The following PDE5A variants were observed in gnomAD, a reference collection of about 807,000 sequenced individuals.
PDE5A encodes the protein phosphodiesterase 5A.
Under a neutral mutation model 110.2 loss-of-function variants are expected in PDE5A, and 67 were observed. The ratio of observed to expected loss-of-function variants is 0.61; its 90% CI spans 0.50 to 0.75. The LOEUF is 0.75. Ranked by LOEUF, PDE5A falls within the 30% of genes least tolerant of loss-of-function variation. PDE5A has a pLI of 0.00. For synonymous variants in PDE5A, 328 were observed against 351.2 expected (o/e 0.93, Z 0.74); for missense variants, 862 against 1,045.1 (o/e 0.82, Z 2.42).
At chr4:119,515,579 A>G (rs1725881619) in intron 14 of PDE5A, among the ~76,000 whole-genome samples, 1 of 151,578 alleles carries the variant, frequency 6.6e-6, no homozygotes, top group Non-Finnish European at 1.5e-5. Context: ...CATTCTTGCC[A>G]ACCCTCTCTC....
At chr4:119,607,435 TACTTAAG>T (rs1452111395) in intron 1 of PDE5A, 138 bp from the exon 2 acceptor site, 1 of 643,810 alleles carries the variant, frequency 1.6e-6, no homozygotes, top group African/African-American at 1.8e-5. Flanking sequence ...CAAGATGGTT[TACTTAAG>T]ACATATGATT....
chr4:119,624,723 G>A (rs193113940), intron 1 of PDE5A, among the ~76,000 whole-genome samples: 55 of 152,206 alleles, frequency 3.6e-4, no homozygotes, highest in Non-Finnish European at 6.8e-4. Context: ...TTAATGAAAG[G>A]TAACTTTATT....
At chr4:119,593,310 C>T (rs1034452601) in intron 3 of PDE5A, among the ~76,000 whole-genome samples, 10 of 152,118 alleles carry the variant, frequency 6.6e-5, no homozygotes, top group African/African-American at 2.4e-4. Context: ...GTAATAGACA[C>T]AAACTGGAAA....
chr4:119,504,506 A>G (rs1725489019), intron 18 of PDE5A, 30 bp downstream of exon 18: 2 of 1,561,082 alleles, frequency 1.3e-6, no homozygotes, highest in Non-Finnish European at 8.8e-7. Flanking sequence ...TTGACTTTTT[A>G]ATTATTGTTA....
In PDE5A at chr4:119,501,207, A is replaced by G. The variant is rs1725314976; in HGVS notation, c.2453T>C (p.Val818Ala). 3.1e-6 allele frequency: 5 copies of G among 1,612,442 alleles called. No individual in the cohort carries two copies. The highest frequency in any genetic ancestry group is 4.2e-6 in the Non-Finnish European group (5 of 1,178,600). Residue 818 changes from valine (V) to alanine (A), a missense_variant, in exon 20 of 21, where the codon GTT becomes GCT. Val to Ala is a moderately conservative substitution (Grantham distance 64, BLOSUM62 0). Transcript: ENST00000354960. ...CAAGCAGATGGCATCTATGAACCCAACTTGCATACTTGGGATTTTGTTTTT... is the reference window on the plus strand; with the variant it reads ...CAAGCAGATGGCATCTATGAACCCAGCTTGCATACTTGGGATTTTGTTTTT... ...EKKNKIPSMQ[V>A]GFIDAICLQL... is the part of the protein sequence containing the mutation.
chr4:119,564,442 T>G (rs919163954), intron 5 of PDE5A, among the ~76,000 whole-genome samples: 1 of 152,128 alleles, frequency 6.6e-6, no homozygotes, highest in African/African-American at 2.4e-5. Flanking sequence ...ATCCAAAAGA[T>G]AGTGGAATCT....
intron 1 of PDE5A, among the ~76,000 whole-genome samples, chr4:119,618,504 T>G (rs1233436647): frequency 6.6e-6 from 1 of 152,096 alleles, no homozygotes; most frequent in Non-Finnish European, 1.5e-5. Context: ...CAGACTAATA[T>G]CTACACTTAC....
At chr4:119,597,911 CACT>C (rs1232624247) in intron 2 of PDE5A, among the ~76,000 whole-genome samples, 4 of 151,870 alleles carry the variant, frequency 2.6e-5, no homozygotes, top group African/African-American at 4.8e-5. Flanking sequence ...ATATTATAAA[CACT>C]ACTACATTTT....
chr4:119,525,520 T>C lies in PDE5A; in HGVS notation c.1779+29A>G. 1 of 1,607,644 alleles carries C rather than the reference T, an allele frequency of 6.2e-7. No homozygotes were observed. The highest frequency in any genetic ancestry group is 1.1e-5 in the South Asian group (1 of 90,480). ...CATACACACACACATACACATAGACTTTTCCAAAGGATGTTGCTGCATTCC... is the reference window on the plus strand; with the variant it reads ...CATACACACACACATACACATAGACCTTTCCAAAGGATGTTGCTGCATTCC... On this transcript the variant is annotated intron_variant, in intron 12 of 20. Coordinates refer to ENST00000354960, the MANE Select transcript of PDE5A (RefSeq NM_001083.4). This position sits in a 1 kb window ranked among gnomAD's most constrained non-coding sequence, Gnocchi z 4.3.
intron 2 of PDE5A, among the ~76,000 whole-genome samples, 175 bp from the exon 3 acceptor site, chr4:119,596,787 T>A (rs1346017008): frequency 6.6e-6 from 1 of 152,118 alleles, no homozygotes; most frequent in Non-Finnish European, 1.5e-5. Flanking sequence ...TTGACAAAGA[T>A]AAATTGAAGT....
intron 1 of PDE5A, among the ~76,000 whole-genome samples, chr4:119,621,647 TA>T (rs1730146679): frequency 6.6e-6 from 1 of 151,670 alleles, no homozygotes; most frequent in South Asian, 2.1e-4. Context: ...CATAGATAGA[TA>T]GACAGACAGA....
rs55997249 is a variant in PDE5A at position 119,592,456 on chromosome 4, TAAAAAAAAAAA to T, written c.831+4056_831+4066del. Reference sequence around the variant, plus strand: ...CTGGGTGACAGAGCGAGACTCTGTTTAAAAAAAAAAAAAAAAAAAAAAAAAAAAAAAGCTGT... The same window carrying T: ...CTGGGTGACAGAGCGAGACTCTGTTTAAAAAAAAAAAAAAAAAAAAGCTGT... On this transcript the variant is annotated intron_variant, in intron 3 of 20. Coordinates refer to ENST00000354960, the MANE Select transcript of PDE5A (RefSeq NM_001083.4). Among the ~76,000 whole-genome samples the T allele has an allele frequency of 1.8e-3, 120 of 66,188 alleles. 3 individuals carry two copies. The highest frequency in any genetic ancestry group is 8.8e-3 in the East Asian group (16 of 1,826). The allele number at this position is 66,188 out of a possible 152,430, so 43.4% of individuals were successfully genotyped here. A position where few individuals can be genotyped will look rare whatever the true frequency, so the allele number is the denominator to read the frequency against.
intron 3 of PDE5A, among the ~76,000 whole-genome samples, chr4:119,587,431 C>A (rs1038752607): frequency 6.7e-6 from 1 of 150,220 alleles, no homozygotes; most frequent in African/African-American, 2.5e-5. Context: ...GGCCGGACTG[C>A]GGACTGCAGT....
intron 14 of PDE5A, among the ~76,000 whole-genome samples, chr4:119,512,662 G>C (rs550916053): frequency 3.3e-5 from 5 of 152,094 alleles, no homozygotes; most frequent in Admixed American, 6.6e-5. Context: ...AAGGGGATGA[G>C]GGAGATAAAG....
chr4:119,586,520 G>C (rs1490187473), intron 3 of PDE5A, among the ~76,000 whole-genome samples: 4 of 152,148 alleles, frequency 2.6e-5, no homozygotes, highest in Admixed American at 2.6e-4. Context: ...TATCTATTGA[G>C]AGCAGCAATT....
chr4:119,538,770 C>A, intron 11 of PDE5A, 190 bp downstream of exon 11: 1 of 540,132 alleles, frequency 1.9e-6, no homozygotes, highest in Non-Finnish European at 3.4e-6. Flanking sequence ...ATATCAGAAT[C>A]ATACACTATA....
chr4:119,540,166 A>G (rs1401613774), intron 10 of PDE5A, among the ~76,000 whole-genome samples: 1 of 152,144 alleles, frequency 6.6e-6, no homozygotes, highest in Non-Finnish European at 1.5e-5. Context: ...AGATTTACAA[A>G]AAAAACCCCA....
At chr4:119,513,202 C>G (rs1318490982) in intron 14 of PDE5A, among the ~76,000 whole-genome samples, 1 of 152,060 alleles carries the variant, frequency 6.6e-6, no homozygotes, top group Non-Finnish European at 1.5e-5. Context: ...CTTTCTGACC[C>G]CACAACTGGT....
At chr4:119,625,759 A>G (rs1292646210) in intron 1 of PDE5A, among the ~76,000 whole-genome samples, 1 of 152,208 alleles carries the variant, frequency 6.6e-6, no homozygotes, top group Non-Finnish European at 1.5e-5. Flanking sequence ...CTGTAAAGTT[A>G]AAACGTATGC....
Sources: allele counts gnomAD v4.1 joint callset (sites outside exome capture counted in the v4.1 genomes callset), GRCh38; gene constraint gnomAD v4.1.1; non-coding constraint Gnocchi (gnomAD v3.1); transcripts MANE v1.5; gene names NCBI Gene and HGNC (gene_info 2026-07-23, HGNC 2026-07-21).